THSD7B: variants seen among roughly 807,000 people sequenced by gnomAD.
THSD7B encodes thrombospondin type 1 domain containing 7B.
THSD7B carries 138 observed loss-of-function variants against 213.6 expected under a neutral mutation model. That is an observed-to-expected ratio of 0.65 (90% CI 0.56 to 0.74). The LOEUF is 0.74. Ranked by LOEUF, THSD7B falls within the 30% of genes least tolerant of loss-of-function variation. The pLI is 0.00. For missense variants in THSD7B, 1,931 were observed against 1,991.5 expected, an observed-to-expected ratio of 0.97 and a Z score of 0.58; for synonymous variants, 742 against 687.0, an observed-to-expected ratio of 1.08 and a Z score of -1.25.
intron 2 of THSD7B, among the ~76,000 whole-genome samples, chr2:137,030,438 G>A (rs1345403841): frequency 6.6e-6 from 1 of 152,148 alleles, no homozygotes; most frequent in South Asian, 2.1e-4. Context: ...AGAAAGTTTT[G>A]AGTGTGAATA....
intron 14 of THSD7B, among the ~76,000 whole-genome samples, chr2:137,439,788 A>AT (rs1008216546): frequency 1.1e-4 from 16 of 152,004 alleles, no homozygotes; most frequent in African/African-American, 2.2e-4. Context: ...TTCGAGGTAC[A>AT]TTTTTTTTGT....
chr2:137,597,976 T>C lies in THSD7B; in HGVS notation c.3424-18199T>C, dbSNP rs142283519. On this transcript the variant is annotated intron_variant, in intron 17 of 27. Coordinates refer to ENST00000409968, the MANE Select transcript of THSD7B (RefSeq NM_001316349.2). ...TAAGATAAATAAATGGTAGAAGACA[T>C]AAAAGCCCCCAACAATTGAGCTTGA... Among the ~76,000 whole-genome samples the C allele has an allele frequency of 2.6e-3, 393 of 152,158 alleles. 3 individuals carry two copies. Among genetic ancestry groups the C allele is most frequent in the African/African-American group, 9.0e-3 (375 of 41,514 alleles).
intron 15 of THSD7B, among the ~76,000 whole-genome samples, chr2:137,458,062 T>G (rs1301841250): frequency 6.6e-6 from 1 of 151,296 alleles, no homozygotes; most frequent in Non-Finnish European, 1.5e-5. Flanking sequence ...AAAAAAAAAG[T>G]TAGAAGAACC....
intron 17 of THSD7B, among the ~76,000 whole-genome samples, chr2:137,611,947 C>T (rs1019221390): frequency 8.6e-5 from 13 of 152,046 alleles, no homozygotes; most frequent in Non-Finnish European, 1.3e-4. Context: ...TGGTGTCTTG[C>T]ATTTAATGTA....
intron 4 of THSD7B, 134 bp downstream of exon 4, chr2:137,095,255 G>A (rs1688020167): frequency 8.0e-7 from 1 of 1,255,198 alleles, no homozygotes; most frequent in African/African-American, 1.5e-5. Flanking sequence ...ATACTTGGCA[G>A]CATAGGAGAG....
intron 1 of THSD7B, among the ~76,000 whole-genome samples, chr2:136,878,606 C>T (rs1342562473): frequency 6.6e-6 from 1 of 151,898 alleles, no homozygotes; most frequent in African/African-American, 2.4e-5. Context: ...TAATGATCGC[C>T]ATTCTAACTG....
At chr2:137,671,673 G>A (rs1016832873) in intron 27 of THSD7B, among the ~76,000 whole-genome samples, 1 of 152,182 alleles carries the variant, frequency 6.6e-6, no homozygotes, top group African/African-American at 2.4e-5. Flanking sequence ...CGATGATTCA[G>A]TTACCTCCAC....
intron 2 of THSD7B, among the ~76,000 whole-genome samples, chr2:136,918,946 G>T (rs905433507): frequency 6.6e-6 from 1 of 152,192 alleles, no homozygotes; most frequent in African/African-American, 2.4e-5. Flanking sequence ...ATGCGTGAGT[G>T]ATGGGTCTGG....
chr2:137,399,593 C>A (rs1194652461), intron 12 of THSD7B, among the ~76,000 whole-genome samples: 4 of 152,122 alleles, frequency 2.6e-5, no homozygotes, highest in Non-Finnish European at 5.9e-5. Flanking sequence ...TTAAAGATGA[C>A]TAGGTACTTT....
chr2:136,797,867 T>C lies in THSD7B; in HGVS notation c.-36+32180T>C, dbSNP rs75616921. Among the ~76,000 whole-genome samples, 484 of 152,094 alleles carry C rather than the reference T, an allele frequency of 3.2e-3. 4 individuals carry two copies. The East Asian group carries it at 0.041, about 13-fold the overall frequency. The stretch of plus-strand genomic sequence containing the variant: ...AACATCAAAACTTGTATATGAGATT[T>C]GTTGCAAACCTGTACTAAGTGGCCT... On this transcript the variant is annotated intron_variant, in intron 1 of 27. Transcript: ENST00000409968.
chr2:137,328,470 A>G (rs919290144), intron 12 of THSD7B, among the ~76,000 whole-genome samples: 3 of 152,246 alleles, frequency 2.0e-5, no homozygotes, highest in Non-Finnish European at 4.4e-5. Flanking sequence ...TTACAGTGAC[A>G]AACCTACAAA....
At chr2:137,401,284 A>G (rs916981495) in intron 12 of THSD7B, among the ~76,000 whole-genome samples, 1 of 152,172 alleles carries the variant, frequency 6.6e-6, no homozygotes, top group African/African-American at 2.4e-5. Context: ...ATCCCCATTT[A>G]TGCTTAATTG....
intron 1 of THSD7B, among the ~76,000 whole-genome samples, chr2:136,844,490 G>GAGAGAGAGAGAGAGAGAGAGAC (rs895586400): frequency 3.8e-4 from 57 of 149,596 alleles, no homozygotes; most frequent in African/African-American, 1.4e-3. Flanking sequence ...GAGAGAGAGA[G>GAGAGAGAGAGAGAGAGAGAGAC]AGAGACAGAG....
chr2:137,121,376 G>C (rs1688543065), intron 5 of THSD7B, among the ~76,000 whole-genome samples: 1 of 152,176 alleles, frequency 6.6e-6, no homozygotes, highest in African/African-American at 2.4e-5. Flanking sequence ...TTTGAATGAT[G>C]TGTGAGTCCT....
intron 10 of THSD7B, among the ~76,000 whole-genome samples, chr2:137,271,428 TA>T (rs1420247118): frequency 3.6e-4 from 49 of 136,162 alleles, no homozygotes; most frequent in African/African-American, 8.6e-4. Flanking sequence ...TATAATTATA[TA>T]ATATATATAA....
chr2:137,482,209 T>C (rs1688325791), intron 15 of THSD7B, among the ~76,000 whole-genome samples: 1 of 149,964 alleles, frequency 6.7e-6, no homozygotes, highest in Non-Finnish European at 1.5e-5. Context: ...AAAAAGGGTT[T>C]AGCCATAGAT....
At chr2:136,980,978 A>G (rs1371628299) in intron 2 of THSD7B, among the ~76,000 whole-genome samples, 2 of 147,968 alleles carry the variant, frequency 1.4e-5, no homozygotes, top group African/African-American at 5.0e-5. Context: ...TAACCTGGAT[A>G]CCCTCAGCTG....
At chr2:137,562,975 G>A (rs376990667) in intron 15 of THSD7B, among the ~76,000 whole-genome samples, 33 of 152,156 alleles carry the variant, frequency 2.2e-4, no homozygotes, top group African/African-American at 5.5e-4. Context: ...GGAAATGACC[G>A]TCCTTTGTTC....
chr2:137,437,942 T>C (rs1490169445), intron 14 of THSD7B, among the ~76,000 whole-genome samples: 1 of 152,164 alleles, frequency 6.6e-6, no homozygotes, highest in Non-Finnish European at 1.5e-5. Context: ...AACATCATTT[T>C]GGGGAAGACT....
Sources: gnomAD v4.1 joint callset for allele counts (sites outside exome capture counted in the v4.1 genomes callset) on GRCh38, gnomAD v4.1.1 for gene constraint, MANE v1.5 for transcripts, NCBI Gene and HGNC (gene_info 2026-07-23, HGNC 2026-07-21) for gene names.